The following CAPN11 variants were observed in gnomAD, a reference collection of about 807,000 sequenced individuals.
CAPN11 encodes calpain-11.
In CAPN11, 108 loss-of-function variants were observed where a neutral mutation model predicts 105.3. The observed-to-expected ratio is 1.03, with a 90% confidence interval of 0.88 to 1.20. The LOEUF (loss-of-function observed/expected upper bound fraction) is 1.20, where lower values mean the gene tolerates loss of function less well. CAPN11 is among the 50% of genes most tolerant of loss of function. The pLI, the probability that CAPN11 is intolerant of heterozygous loss-of-function variation, is 0.00. For missense variants in CAPN11, 883 were observed against 924.8 expected, an observed-to-expected ratio of 0.95 and a Z score of 0.59; for synonymous variants, 329 against 344.5, an observed-to-expected ratio of 0.96 and a Z score of 0.50.
intron 7 of CAPN11, among the ~76,000 whole-genome samples, chr6:44,175,013 G>A (rs1771720292): frequency 6.6e-6 from 1 of 152,136 alleles, no homozygotes; most frequent in African/African-American, 2.4e-5. Context: ...AGAAGAGATG[G>A]GTTTGGTTAT....
chr6:44,159,782 G>A (rs1371803860), intron 1 of CAPN11, among the ~76,000 whole-genome samples: 1 of 151,384 alleles, frequency 6.6e-6, no homozygotes, highest in African/African-American at 2.4e-5. Flanking sequence ...TCCCAGTGCC[G>A]GAAATCAAAC....
In CAPN11 at chr6:44,173,241, T is replaced by C; in HGVS notation, c.686T>C (p.Leu229Ser). The change falls in exon 7 of 23, where the codon TTG (leucine) becomes TCG (serine). Residue 229 changes from leucine (L) to serine (S), a missense_variant. Physicochemically the swap from Leu to Ser is moderately radical, Grantham distance 145. Transcript: ENST00000398776. ...AGGCTGAGTGGGTCCTATGAAGCATTGTCAGGGGGCAGTACCATGGAGGGC... is the reference window on the plus strand; with the variant it reads ...AGGCTGAGTGGGTCCTATGAAGCATCGTCAGGGGGCAGTACCATGGAGGGC... ...YAKLSGSYEA[L>S]SGGSTMEGLE... 6.2e-7 allele frequency: 1 copy of C among 1,613,850 alleles called. No individual in the cohort carries two copies. Among genetic ancestry groups the C allele is most frequent in the Non-Finnish European group, 8.5e-7 (1 of 1,179,862 alleles).
intron 19 of CAPN11, among the ~76,000 whole-genome samples, 181 bp downstream of exon 19, chr6:44,181,501 C>CACACACAT (rs1773285409): frequency 6.9e-6 from 1 of 144,676 alleles, no homozygotes; most frequent in Non-Finnish European, 1.5e-5. Context: ...CACACACACA[C>CACACACAT]ACACACACTC....
intron 14 of CAPN11, 74 bp downstream of exon 14, chr6:44,180,237 G>A: frequency 8.7e-7 from 1 of 1,150,692 alleles, no homozygotes; most frequent in Non-Finnish European, 1.3e-6. Context: ...GGGAGCTGCT[G>A]TCGGGTCCTC....
Position 44,172,323 on chromosome 6 carries a change from C to CCGGCTGT in CAPN11, c.432_433insGGCTGTC (p.Ile145GlyfsTer48). ...CCAGGGGACTGCTGGCTGCTGGCTG[C>CCGGCTGT]CATCGGCTCCCTTACCACCTGCCCC... On this transcript the variant is annotated frameshift_variant, in exon 5 of 23. Transcript: ENST00000398776. LOFTEE classifies it high-confidence loss of function. 6.4e-7 allele frequency: 1 copy of CCGGCTGT among 1,556,634 alleles called. No homozygotes were observed.
At position 44,177,274 on chromosome 6, in the gene CAPN11, T is replaced by G. The variant is rs762239926; in HGVS notation, c.1270T>G (p.Ser424Ala). Residue 424 changes from serine (S) to alanine (A), a missense_variant, in exon 12 of 23, where the codon TCT becomes GCT. Transcript: ENST00000398776. The part of the protein sequence containing the change: ...TFWTNPQFKI[S>A]LPEGDDPEDD... ...CTGGACCAACCCCCAGTTTAAGATC[T>G]CTCTTCCTGAGGGGGATGACCCAGA... 6.2e-7 allele frequency: 1 copy of G among 1,606,822 alleles called. No individual in the cohort carries two copies. Among genetic ancestry groups the G allele is most frequent in the Non-Finnish European group, 8.5e-7 (1 of 1,176,786 alleles).
At chr6:44,179,737 C>T in intron 13 of CAPN11, 107 bp downstream of exon 13, 1 of 1,238,552 alleles carries the variant, frequency 8.1e-7, no homozygotes, top group South Asian at 1.2e-5. Context: ...CTCTGGGGGT[C>T]ACTGGGTTAG....
chr6:44,180,438 A>C (rs1326675027), intron 14 of CAPN11, 22 bp from the exon 15 acceptor site: 3 of 1,607,578 alleles, frequency 1.9e-6, no homozygotes, highest in Admixed American at 3.3e-5. Context: ...GTAACTCTTG[A>C]GCTTTCAATC....
intron 1 of CAPN11, among the ~76,000 whole-genome samples, chr6:44,165,850 C>T (rs536962449): frequency 2.0e-5 from 3 of 152,246 alleles, no homozygotes; most frequent in East Asian, 3.9e-4. Flanking sequence ...GGGTTCAAAA[C>T]CTCACTCAAA....
chr6:44,179,873 G>C (rs1772834396), intron 13 of CAPN11, 79 bp from the exon 14 acceptor site: 3 of 1,185,996 alleles, frequency 2.5e-6, no homozygotes, highest in Non-Finnish European at 2.5e-6. Flanking sequence ...ACCCTGCCCG[G>C]CCAGGCTGTT....
intron 3 of CAPN11, 62 bp from the exon 4 acceptor site, chr6:44,169,844 G>A: frequency 7.7e-7 from 1 of 1,304,390 alleles, no homozygotes; most frequent in South Asian, 1.3e-5. Flanking sequence ...CCCAGCAAAA[G>A]TGGGAGAAAG....
At chr6:44,161,925 G>C (rs76955092) in intron 1 of CAPN11, 2 of 455,660 alleles carry the variant, frequency 4.4e-6, no homozygotes, top group Non-Finnish European at 4.4e-6. Flanking sequence ...CTCAACCCAG[G>C]TTTGTCAACC....
chr6:44,160,433 C>T (rs913522245), intron 1 of CAPN11, among the ~76,000 whole-genome samples: 1 of 151,890 alleles, frequency 6.6e-6, no homozygotes, highest in African/African-American at 2.4e-5. Context: ...TTGGCTAACG[C>T]GGTGAAACCC....
At chr6:44,159,298 C>G (rs1036982858) in intron 1 of CAPN11, among the ~76,000 whole-genome samples, 7 of 152,250 alleles carry the variant, frequency 4.6e-5, no homozygotes, top group African/African-American at 1.2e-4. Context: ...AAAAGCAGGT[C>G]CCTCAGCCCA....
chr6:44,182,895 C>T, intron 19 of CAPN11, 46 bp from the exon 20 acceptor site: 3 of 1,409,294 alleles, frequency 2.1e-6, no homozygotes, highest in Non-Finnish European at 3.0e-6. Flanking sequence ...TTATTTCAAC[C>T]ACCATGCCAT....
Position 44,181,576 on chromosome 6 carries a change from A to ACACT in CAPN11, c.1938+259_1938+260insTCAC, listed in dbSNP as rs1161269702. On this transcript the variant is annotated intron_variant, in intron 19 of 22. Transcript: ENST00000398776. Reference sequence around the variant, plus strand: ...ACTCACATACAGACACAACCACACCACACATACACACTCACATACAGACAC... The same window carrying ACACT: ...ACTCACATACAGACACAACCACACCACACTCACATACACACTCACATACAGACAC... Among the ~76,000 whole-genome samples the ACACT allele has an allele frequency of 2.8e-4, 11 of 39,466 alleles. 2 individuals carry two copies. The highest frequency in any genetic ancestry group is 4.3e-3 in the East Asian group (2 of 460). 25.9% of individuals were successfully genotyped at this position (39,466 alleles called of 152,430 possible).
At chr6:44,162,343 C>CT (rs1278501364) in intron 1 of CAPN11, among the ~76,000 whole-genome samples, 28 of 150,382 alleles carry the variant, frequency 1.9e-4, no homozygotes, top group African/African-American at 5.1e-4. Context: ...CCCCCGCAGC[C>CT]CCCCTCACAG....
chr6:44,183,398 G>A (rs889096791), intron 21 of CAPN11, 163 bp downstream of exon 21: 9 of 622,494 alleles, frequency 1.4e-5, no homozygotes, highest in Admixed American at 1.4e-4. Flanking sequence ...GAGGTGACTT[G>A]AGCAAGTCAC....
At chr6:44,160,383 C>T (rs1173351449) in intron 1 of CAPN11, among the ~76,000 whole-genome samples, 2 of 152,138 alleles carry the variant, frequency 1.3e-5, no homozygotes, top group East Asian at 1.9e-4. Flanking sequence ...TTTGGGAGGC[C>T]GTGGCGGGCA....
Sources: allele counts gnomAD v4.1 joint callset (sites outside exome capture counted in the v4.1 genomes callset), GRCh38; gene constraint gnomAD v4.1.1; transcripts MANE v1.5; gene names NCBI Gene and HGNC (gene_info 2026-07-23, HGNC 2026-07-21).